GPC5: variants seen among roughly 807,000 people sequenced by gnomAD.
The protein encoded by GPC5 is glypican-5.
A neutral mutation model predicts 53.9 loss-of-function variants in GPC5; 47 were observed. That is an observed-to-expected ratio of 0.87 (90% CI 0.69 to 1.11). The LOEUF is 1.11. GPC5 is among the 50% of genes most tolerant of loss of function. GPC5 has a pLI of 0.00. For missense variants in GPC5, 748 were observed against 713.1 expected, an observed-to-expected ratio of 1.05 and a Z score of -0.56; for synonymous variants, 286 against 263.3, an observed-to-expected ratio of 1.09 and a Z score of -0.84.
intron 2 of GPC5, among the ~76,000 whole-genome samples, chr13:91,624,622 A>G (rs559684114): frequency 6.6e-6 from 1 of 152,154 alleles, no homozygotes; most frequent in East Asian, 1.9e-4. Flanking sequence ...TTAATCAACC[A>G]TATGCTTGAC....
intron 7 of GPC5, among the ~76,000 whole-genome samples, chr13:92,647,788 G>T (rs1032322158): frequency 6.6e-5 from 10 of 152,006 alleles, no homozygotes; most frequent in Admixed American, 5.2e-4. Flanking sequence ...TCTTCTTACT[G>T]TATTGAAATT....
chr13:91,837,708 T>C (rs534235958), intron 5 of GPC5, among the ~76,000 whole-genome samples: 2 of 152,302 alleles, frequency 1.3e-5, no homozygotes, highest in East Asian at 1.9e-4. Context: ...GTAATAACTT[T>C]TTTGAAGTTA....
chr13:92,226,566 C>A (rs1330605362), intron 7 of GPC5, among the ~76,000 whole-genome samples: 1 of 151,512 alleles, frequency 6.6e-6, no homozygotes, highest in African/African-American at 2.4e-5. Flanking sequence ...ACAATGGGAA[C>A]AGAGCATATG....
chr13:92,507,859 T>A (rs540659196), intron 7 of GPC5, among the ~76,000 whole-genome samples: 3 of 152,266 alleles, frequency 2.0e-5, no homozygotes, highest in South Asian at 4.1e-4. Flanking sequence ...CTTGAATTTG[T>A]GGTGAATTTG....
intron 2 of GPC5, among the ~76,000 whole-genome samples, chr13:91,454,665 A>G (rs939679937): frequency 1.3e-5 from 2 of 152,102 alleles, no homozygotes; most frequent in Non-Finnish European, 2.9e-5. Context: ...GATACTTAGC[A>G]AGAAGACTTG....
At chr13:92,823,454 A>G (rs953071602) in intron 7 of GPC5, among the ~76,000 whole-genome samples, 12 of 152,166 alleles carry the variant, frequency 7.9e-5, no homozygotes, top group African/African-American at 2.7e-4. Context: ...AGAAATTTAT[A>G]TGAAAGCTTG....
At chr13:92,752,840 C>T (rs1003284375) in intron 7 of GPC5, among the ~76,000 whole-genome samples, 19 of 152,262 alleles carry the variant, frequency 1.2e-4, no homozygotes, top group African/African-American at 2.4e-4. Context: ...GAGGGACCTA[C>T]GCCCAGGGAG....
chr13:92,398,520 C>G (rs1359143127), intron 7 of GPC5, among the ~76,000 whole-genome samples: 2 of 151,202 alleles, frequency 1.3e-5, no homozygotes, highest in Non-Finnish European at 2.9e-5. Context: ...ATTTCTGCAT[C>G]TCCCAATCCC....
chr13:91,593,630 C>T (rs1176615173), intron 2 of GPC5, among the ~76,000 whole-genome samples: 2 of 152,124 alleles, frequency 1.3e-5, no homozygotes, highest in Non-Finnish European at 2.9e-5. Flanking sequence ...CTTTACCACA[C>T]TGACTTACAG....
intron 6 of GPC5, among the ~76,000 whole-genome samples, chr13:92,091,411 A>T (rs1388805731): frequency 6.6e-6 from 1 of 152,112 alleles, no homozygotes; most frequent in Non-Finnish European, 1.5e-5. Flanking sequence ...GCATATATTC[A>T]TACAAATAAC....
At chr13:91,441,539 G>A (rs750361194) in intron 1 of GPC5, among the ~76,000 whole-genome samples, 3 of 152,112 alleles carry the variant, frequency 2.0e-5, no homozygotes, top group Non-Finnish European at 4.4e-5. Context: ...TTGTACCATC[G>A]AATTCATTTT....
At chr13:91,859,017 A>C (rs1410396071) in intron 5 of GPC5, among the ~76,000 whole-genome samples, 3 of 128,698 alleles carry the variant, frequency 2.3e-5, no homozygotes, top group Admixed American at 8.3e-5. Flanking sequence ...TTCATCTCTG[A>C]TTTTATTTAT....
intron 2 of GPC5, among the ~76,000 whole-genome samples, chr13:91,504,723 T>C (rs1429109754): frequency 6.6e-6 from 1 of 151,984 alleles, no homozygotes; most frequent in African/African-American, 2.4e-5. Context: ...TTTGGGAGGC[T>C]GAGGGAAGAA....
chr13:92,408,248 G>C (rs893649167), intron 7 of GPC5, among the ~76,000 whole-genome samples: 4 of 152,200 alleles, frequency 2.6e-5, no homozygotes, highest in Admixed American at 6.5e-5. Context: ...TCCCCCAGAT[G>C]TCCAAGCCAA....
intron 1 of GPC5, among the ~76,000 whole-genome samples, chr13:91,421,575 A>G (rs997287423): frequency 6.6e-6 from 1 of 152,226 alleles, no homozygotes; most frequent in Admixed American, 6.5e-5. Flanking sequence ...TTGGCCAACA[A>G]TATTGCATTG....
At chr13:92,574,442 C>T (rs527425435) in intron 7 of GPC5, among the ~76,000 whole-genome samples, 67 of 152,196 alleles carry the variant, frequency 4.4e-4, no homozygotes, top group African/African-American at 1.6e-3. Context: ...GAGTTTCATT[C>T]AGTGTCTGGA....
chr13:92,418,836 A>T (rs1876433631), intron 7 of GPC5, among the ~76,000 whole-genome samples: 1 of 152,196 alleles, frequency 6.6e-6, no homozygotes, highest in African/African-American at 2.4e-5. Flanking sequence ...TTTGAGAAAC[A>T]GGTAGAAAAA....
At chr13:92,614,220 C>A (rs1163024402) in intron 7 of GPC5, among the ~76,000 whole-genome samples, 1 of 152,040 alleles carries the variant, frequency 6.6e-6, no homozygotes, top group Non-Finnish European at 1.5e-5. Flanking sequence ...ATGACCATAT[C>A]TTAATGAAGT....
rs1218025728 is a variant in GPC5 at position 91,941,265 on chromosome 13, T to C, written c.1401+33208T>C. On this transcript the variant is annotated intron_variant, in intron 6 of 7. Coordinates refer to ENST00000377067, the MANE Select transcript of GPC5 (RefSeq NM_004466.6). Reference sequence around the variant, plus strand: ...TGGTTACCGTAGCCTTATAGCATAGTTTGAAGTCAGGCAGTGTGGTGCATC... The same window carrying C: ...TGGTTACCGTAGCCTTATAGCATAGCTTGAAGTCAGGCAGTGTGGTGCATC... Among the ~76,000 whole-genome samples, 3 of 152,308 alleles carry C rather than the reference T, an allele frequency of 2.0e-5. No individual in the cohort carries two copies. In the East Asian group the frequency reaches 5.8e-4, roughly 29 times the overall value.
Sources: gnomAD v4.1 joint callset for allele counts (sites outside exome capture counted in the v4.1 genomes callset) on GRCh38, gnomAD v4.1.1 for gene constraint, MANE v1.5 for transcripts, NCBI Gene and HGNC (gene_info 2026-07-23, HGNC 2026-07-21) for gene names.